CCDC91: variants seen among roughly 807,000 people sequenced by gnomAD.
CCDC91 encodes the protein coiled-coil domain-containing protein 91.
A neutral mutation model predicts 63.2 loss-of-function variants in CCDC91; 48 were observed. The observed-to-expected ratio is 0.76, with a 90% CI of 0.60 to 0.97. The LOEUF (loss-of-function observed/expected upper bound fraction) is 0.97, where lower values mean the gene tolerates loss of function less well. Ranked by LOEUF, CCDC91 falls within the 50% of genes least tolerant of loss-of-function variation. The pLI, the probability that CCDC91 is intolerant of heterozygous loss-of-function variation, is 0.00. For missense variants in CCDC91, 500 were observed against 494.6 expected, an observed-to-expected ratio of 1.01 and a Z score of -0.10; for synonymous variants, 167 against 165.8, an observed-to-expected ratio of 1.01 and a Z score of -0.06.
At chr12:28,409,522 A>T (rs1485020907) in intron 8 of CCDC91, among the ~76,000 whole-genome samples, 1 of 151,984 alleles carries the variant, frequency 6.6e-6, no homozygotes, top group South Asian at 2.1e-4. Context: ...GTTTGGTTTC[A>T]TTGATTTTTA....
At chr12:28,289,792 C>T (rs564963469) in intron 3 of CCDC91, among the ~76,000 whole-genome samples, 10 of 147,648 alleles carry the variant, frequency 6.8e-5, no homozygotes, top group African/African-American at 1.5e-4. Context: ...CCCAAGTTCA[C>T]GCCATTCTCC....
chr12:28,493,463 G>A (rs570940000), intron 12 of CCDC91, among the ~76,000 whole-genome samples: 2 of 151,586 alleles, frequency 1.3e-5, no homozygotes, highest in Non-Finnish European at 2.9e-5. Flanking sequence ...TAGAACTTTG[G>A]TCACATGTGT....
chr12:28,305,898 A>G lies in CCDC91; in HGVS notation c.267+92A>G, dbSNP rs1459114658. On this transcript the variant is annotated intron_variant, in intron 4 of 12. Transcript: ENST00000536442. ...GCTTTTTTAATTTCTTTTTTAGCCT[A>G]TTTGTCTAAAAGAAGTATTTCTGCA... 4.5e-6 allele frequency: 5 copies of G among 1,105,162 alleles called. No homozygotes were observed. In the East Asian group the frequency reaches 9.9e-5, roughly 22 times the overall value. The allele number at this position is 1,105,162 out of a possible 1,614,324, so 68.5% of individuals were successfully genotyped here.
chr12:28,378,601 A>G (rs1180668548), intron 7 of CCDC91, among the ~76,000 whole-genome samples: 1 of 152,158 alleles, frequency 6.6e-6, no homozygotes, highest in African/African-American at 2.4e-5. Context: ...AAGACCTGAC[A>G]GCATATCTTT....
At chr12:28,308,314 G>A (rs1439279052) in intron 6 of CCDC91, among the ~76,000 whole-genome samples, 1 of 151,894 alleles carries the variant, frequency 6.6e-6, no homozygotes, top group East Asian at 1.9e-4. Flanking sequence ...CATGGTCAGC[G>A]CTATTAACAT....
At chr12:28,265,352 G>A (rs1947114469) in intron 3 of CCDC91, among the ~76,000 whole-genome samples, 1 of 152,004 alleles carries the variant, frequency 6.6e-6, no homozygotes, top group African/African-American at 2.4e-5. Context: ...AAACTAAACT[G>A]TCACAAGCTG....
At chr12:28,451,237 A>G (rs2140339010) in intron 10 of CCDC91, among the ~76,000 whole-genome samples, 1 of 151,858 alleles carries the variant, frequency 6.6e-6, no homozygotes, top group African/African-American at 2.4e-5. Context: ...CAAAAGCTAG[A>G]GGCAGGGAAA....
intron 6 of CCDC91, among the ~76,000 whole-genome samples, chr12:28,336,205 A>G (rs1941970552): frequency 6.6e-6 from 1 of 152,172 alleles, no homozygotes; most frequent in South Asian, 2.1e-4. Context: ...CCAGAGTAGA[A>G]CTGGTTGGAA....
chr12:28,438,561 A>G (rs970253133), intron 8 of CCDC91, among the ~76,000 whole-genome samples: 1 of 152,164 alleles, frequency 6.6e-6, no homozygotes, highest in Non-Finnish European at 1.5e-5. Context: ...TTGCTAAAAT[A>G]ATTATCTTAT....
At chr12:28,308,706 G>A (rs1939003075) in intron 6 of CCDC91, among the ~76,000 whole-genome samples, 1 of 151,822 alleles carries the variant, frequency 6.6e-6, no homozygotes, top group African/African-American at 2.4e-5. Context: ...TATCAGATAA[G>A]CCTTTCCAGA....
intron 6 of CCDC91, among the ~76,000 whole-genome samples, chr12:28,362,039 G>A (rs769469487): frequency 4.6e-5 from 7 of 151,942 alleles, no homozygotes; most frequent in Non-Finnish European, 8.8e-5. Flanking sequence ...GGTAGAATTG[G>A]GGTCTAATCA....
intron 8 of CCDC91, among the ~76,000 whole-genome samples, chr12:28,411,044 G>A (rs1251441361): frequency 3.3e-5 from 5 of 151,912 alleles, no homozygotes; most frequent in Admixed American, 1.3e-4. Context: ...TGCTTTAGAG[G>A]GAGGTTAAAT....
chr12:28,309,503 A>C (rs1442856255), intron 6 of CCDC91, among the ~76,000 whole-genome samples: 2 of 152,046 alleles, frequency 1.3e-5, no homozygotes, highest in Non-Finnish European at 2.9e-5. Context: ...CATGCTGCTT[A>C]AACCAGTCTT....
chr12:28,354,010 C>T (rs749605922), intron 6 of CCDC91, among the ~76,000 whole-genome samples: 3 of 152,086 alleles, frequency 2.0e-5, no homozygotes, highest in Non-Finnish European at 4.4e-5. Flanking sequence ...AAGTTTTCTA[C>T]GTAACAAACC....
intron 11 of CCDC91, among the ~76,000 whole-genome samples, chr12:28,459,090 A>T (rs920919675): frequency 1.9e-4 from 29 of 152,152 alleles, no homozygotes; most frequent in Admixed American, 5.9e-4. Context: ...GCTGGTACAC[A>T]TAGTGGGCTA....
intron 1 of CCDC91, among the ~76,000 whole-genome samples, chr12:28,239,256 G>A (rs1456535088): frequency 6.6e-6 from 1 of 152,066 alleles, no homozygotes; most frequent in Non-Finnish European, 1.5e-5. Flanking sequence ...TGGTTAACTT[G>A]GACCATTTTA....
chr12:28,354,537 A>G (rs1364132265), intron 6 of CCDC91, among the ~76,000 whole-genome samples: 2 of 152,194 alleles, frequency 1.3e-5, no homozygotes, highest in African/African-American at 4.8e-5. Context: ...CACTACAAGT[A>G]CCACTTTTAG....
chr12:28,336,434 T>C (rs929907593), intron 6 of CCDC91, among the ~76,000 whole-genome samples: 2 of 148,184 alleles, frequency 1.3e-5, no homozygotes, highest in African/African-American at 4.8e-5. Context: ...ATATTAGAAA[T>C]TTTAGCAATG....
At position 28,514,960 on chromosome 12, in the gene CCDC91, C is replaced by A. The variant is rs181842048; in HGVS notation, c.1215+30795C>A. ...GTGATGAAATACTCTGTACAACAAA[C>A]CCCCATGACAAAAGTTGACCTATGT... On this transcript the variant is annotated intron_variant, in intron 12 of 12. Coordinates refer to ENST00000536442, the MANE Select transcript of CCDC91 (RefSeq NM_018318.5). Among the ~76,000 whole-genome samples, 1,222 of 151,798 alleles carry A rather than the reference C, an allele frequency of 8.1e-3. 4 individuals are homozygous for A. Among genetic ancestry groups the A allele is most frequent in the Non-Finnish European group, 0.014 (918 of 67,850 alleles).
Sources: allele counts gnomAD v4.1 joint callset (sites outside exome capture counted in the v4.1 genomes callset), GRCh38; gene constraint gnomAD v4.1.1; transcripts MANE v1.5; gene names NCBI Gene and HGNC (gene_info 2026-07-23, HGNC 2026-07-21).